The following IL4R variants were observed in gnomAD, a reference collection of about 807,000 sequenced individuals.
IL4R encodes interleukin 4 receptor, also known as interleukin-4 receptor subunit alpha.
Under a neutral mutation model 41.5 loss-of-function variants are expected in IL4R, and 17 were observed. The ratio of observed to expected loss-of-function variants is 0.41; its 90% confidence interval spans 0.28 to 0.61. IL4R has a LOEUF of 0.61. Among genes scored for constraint, IL4R ranks in the 20% least tolerant of loss-of-function variants. The pLI is 0.31. For synonymous variants in IL4R, 402 were observed against 422.9 expected, an observed-to-expected ratio of 0.95 and a Z score of 0.61; for missense variants, 974 against 1,043.1, an observed-to-expected ratio of 0.93 and a Z score of 0.91.
chr16:27,323,594 A>T (rs139883448), intron 1 of IL4R, among the ~76,000 whole-genome samples: 2 of 151,676 alleles, frequency 1.3e-5, no homozygotes, highest in Admixed American at 1.3e-4. Flanking sequence ...GATGATATTA[A>T]TTGTATCTGC....
At chr16:27,361,793 G>T (rs1272163038) in intron 10 of IL4R, among the ~76,000 whole-genome samples, 5 of 151,622 alleles carry the variant, frequency 3.3e-5, no homozygotes, top group Non-Finnish European at 5.9e-5. Context: ...TTTAATTCTT[G>T]TAGAGATGTT....
At chr16:27,321,287 G>C (rs1162410610) in intron 1 of IL4R, among the ~76,000 whole-genome samples, 1 of 152,104 alleles carries the variant, frequency 6.6e-6, no homozygotes, top group Non-Finnish European at 1.5e-5. Flanking sequence ...GTCTGTTTCT[G>C]CCTCTTGGAG....
intron 1 of IL4R, chr16:27,318,627 C>T (rs1252526645): frequency 6.6e-6 from 1 of 152,310 alleles, no homozygotes; most frequent in Non-Finnish European, 1.5e-5. Flanking sequence ...GACTCATTCT[C>T]TCTTTAGGTG....
chr16:27,342,117 C>G lies in IL4R; in HGVS notation c.71-4C>G. On this transcript the variant is annotated splice_polypyrimidine_tract_variant and splice_region_variant and intron_variant, in intron 3 of 10. Coordinates refer to ENST00000395762, the MANE Select transcript of IL4R (RefSeq NM_000418.4). The stretch of plus-strand genomic sequence containing the variant: ...CCGCTCAGGCTGCTCCTGTGTCTCC[C>G]CAGGGAACATGAAGGTCTTGCAGGA... The G allele has an allele frequency of 6.2e-7, 1 of 1,613,948 alleles. No homozygotes were observed. Among genetic ancestry groups the G allele is most frequent in the Non-Finnish European group, 8.5e-7 (1 of 1,179,954 alleles).
At chr16:27,323,239 G>T (rs538074460) in intron 1 of IL4R, among the ~76,000 whole-genome samples, 2 of 152,312 alleles carry the variant, frequency 1.3e-5, no homozygotes, top group East Asian at 3.9e-4. Flanking sequence ...TGCTGCTGAG[G>T]GCCGAGCAAA....
Position 27,363,735 on chromosome 16 carries a change from T to C in IL4R, c.2383T>C (p.Phe795Leu). Reference sequence around the variant, plus strand: ...AGAGAAGAGTAAATCCTCATCATCCTTCCATCCTGCCCCTGGCAATGCTCA... The same window carrying C: ...AGAGAAGAGTAAATCCTCATCATCCCTCCATCCTGCCCCTGGCAATGCTCA... ...ISEKSKSSSS[F>L]HPAPGNAQSS... Residue 795 changes from phenylalanine (F) to leucine (L), a missense_variant, in exon 11 of 11, where the codon TTC (phenylalanine) becomes CTC (leucine). By Grantham distance (22) the Phe-to-Leu change is conservative. This residue lies in a region of IL4R where 682 missense variants were observed against 704.3 expected (regional missense o/e 0.97). Coordinates refer to ENST00000395762, the MANE Select transcript of IL4R (RefSeq NM_000418.4). 1 of 1,613,548 alleles carries C rather than the reference T, an allele frequency of 6.2e-7. No individual in the cohort carries two copies. Among genetic ancestry groups the C allele is most frequent in the East Asian group, 2.2e-5 (1 of 44,856 alleles).
Position 27,360,811 on chromosome 16 carries a change from T to A in IL4R, c.895T>A (p.Cys299Ser). ...KRSRGQEPAK[C>S]PHWKNCLTKL... ...GTCCCGAGGCCAGGAACCAGCCAAG[T>A]GCCCGTATGTATCTGAACTTAGGTC... The change falls in exon 10 of 11, where the codon TGC becomes AGC. Residue 299 changes from cysteine (C) to serine (S), a missense_variant. This residue lies in a region of IL4R where 682 missense variants were observed against 704.3 expected (regional missense o/e 0.97). Coordinates refer to ENST00000395762, the MANE Select transcript of IL4R (RefSeq NM_000418.4). 1 of 1,614,186 alleles carries A rather than the reference T, an allele frequency of 6.2e-7. No individual in the cohort carries two copies. Among genetic ancestry groups the A allele is most frequent in the Non-Finnish European group, 8.5e-7 (1 of 1,180,040 alleles).
intron 1 of IL4R, among the ~76,000 whole-genome samples, chr16:27,323,824 T>A (rs1441030443): frequency 1.3e-5 from 2 of 152,084 alleles, no homozygotes; most frequent in African/African-American, 4.8e-5. Context: ...CCTGGCAATT[T>A]TTTTTTGTAT....
intron 6 of IL4R, among the ~76,000 whole-genome samples, chr16:27,347,898 G>C (rs1009510465): frequency 6.6e-6 from 1 of 152,248 alleles, no homozygotes; most frequent in Admixed American, 6.5e-5. Context: ...GAGCTCCCCT[G>C]TTTGGCCCAC....
intron 6 of IL4R, among the ~76,000 whole-genome samples, chr16:27,347,098 C>G (rs2085675153): frequency 6.6e-6 from 1 of 152,220 alleles, no homozygotes; most frequent in African/African-American, 2.4e-5. Context: ...ACACCCCAGG[C>G]TTAGACTTTC....
intron 1 of IL4R, among the ~76,000 whole-genome samples, chr16:27,320,727 C>A (rs1055725502): frequency 6.6e-6 from 1 of 152,194 alleles, no homozygotes; most frequent in Non-Finnish European, 1.5e-5. Context: ...TTTCCTGAAG[C>A]GGCCAGGGAA....
At chr16:27,347,432 C>A (rs1312707498) in intron 6 of IL4R, among the ~76,000 whole-genome samples, 1 of 152,190 alleles carries the variant, frequency 6.6e-6, no homozygotes, top group Non-Finnish European at 1.5e-5. Context: ...CTCAGATGAT[C>A]CACTCGCCTT....
At position 27,362,623 on chromosome 16, in the gene IL4R, A is replaced by G; in HGVS notation, c.1271A>G (p.Gln424Arg). 2 of 1,614,168 alleles carry G rather than the reference A, an allele frequency of 1.2e-6. No homozygotes were observed. The highest frequency in any genetic ancestry group is 2.2e-5 in the East Asian group (1 of 44,880). ...GGAGAGGAGAATGGGGGCTTTTGCC[A>G]GCAGGACATGGGGGAGTCATGCCTT... ...LLGEENGGFCQQDMGESCLLP... is the reference protein window; with the variant it reads ...LLGEENGGFCRQDMGESCLLP... The change falls in exon 11 of 11, where the codon CAG (glutamine) becomes CGG (arginine). Residue 424 changes from glutamine to arginine, a missense_variant. This residue lies in a region of IL4R where 682 missense variants were observed against 704.3 expected (regional missense o/e 0.97). Transcript: ENST00000395762.
At chr16:27,340,164 C>T in intron 2 of IL4R, 22 bp from the exon 3 acceptor site, 5 of 1,575,298 alleles carry the variant, frequency 3.2e-6, no homozygotes, top group Non-Finnish European at 3.5e-6. Flanking sequence ...TCAGCACTAA[C>T]CTGCTTCCTC....
intron 6 of IL4R, among the ~76,000 whole-genome samples, chr16:27,352,137 C>T (rs997579273): frequency 1.3e-5 from 2 of 152,118 alleles, no homozygotes; most frequent in East Asian, 1.9e-4. Context: ...CACAACCCTG[C>T]GGGAAGGGAG....
rs1317774900 is a variant in IL4R, at chr16:27,342,114, TC to T, written c.71-3del. On this transcript the variant is annotated splice_polypyrimidine_tract_variant and splice_region_variant and intron_variant, in intron 3 of 10. Transcript: ENST00000395762. ...GGGCCGCTCAGGCTGCTCCTGTGTC[TC>T]CCCAGGGAACATGAAGGTCTTGCAG... 6.8e-6 allele frequency: 11 copies of T among 1,613,516 alleles called. No individual in the cohort carries two copies. The highest frequency in any genetic ancestry group is 9.3e-6 in the Non-Finnish European group (11 of 1,179,766).
intron 1 of IL4R, among the ~76,000 whole-genome samples, chr16:27,327,076 A>T (rs1384012909): frequency 3.9e-5 from 6 of 152,178 alleles, no homozygotes. Context: ...ATTGCGCCAC[A>T]GGAGCTGAGG....
Position 27,362,149 on chromosome 16 carries a change from T to C in IL4R, c.900-103T>C, listed in dbSNP as rs376445086. ...ATAACGTTAGAAGGCATGTCTGAAG[T>C]AGACAGCCATCAGGACATGGTGATT... is the stretch of plus-strand genomic sequence containing the variant. On this transcript the variant is annotated intron_variant, in intron 10 of 10. Transcript: ENST00000395762. The C allele has an allele frequency of 7.4e-5, 80 of 1,079,394 alleles. No individual in the cohort carries two copies. The African/African-American group carries it at 1.1e-3, about 15-fold the overall frequency. 66.9% of individuals were successfully genotyped at this position (1,079,394 alleles called of 1,614,324 possible). A position where few individuals can be genotyped will look rare whatever the true frequency, so the allele number is the denominator to read the frequency against.
At chr16:27,342,388 G>C in intron 4 of IL4R, 129 bp downstream of exon 4, 1 of 1,130,208 alleles carries the variant, frequency 8.8e-7, no homozygotes, top group Non-Finnish European at 1.3e-6. Context: ...TTTATATGGT[G>C]TTAGAGGGGA....
Sources: allele counts gnomAD v4.1 joint callset (sites outside exome capture counted in the v4.1 genomes callset), GRCh38; gene constraint gnomAD v4.1.1; regional missense constraint gnomAD v4.1.1; transcripts MANE v1.5; gene names NCBI Gene and HGNC (gene_info 2026-07-23, HGNC 2026-07-21).